The following NTM variants were observed in gnomAD, a reference collection of about 807,000 sequenced individuals.
NTM encodes neurotrimin.
NTM carries 13 observed loss-of-function variants against 42.1 expected under a neutral mutation model. The observed-to-expected ratio is 0.31, with a 90% CI of 0.20 to 0.49. The LOEUF is 0.49. NTM is among the 20% of genes least tolerant of loss of function. NTM has a pLI of 0.99. For synonymous variants in NTM, 187 were observed against 179.2 expected (o/e 1.04, Z -0.35); for missense variants, 373 against 452.8 (o/e 0.82, Z 1.60).
intron 2 of NTM, among the ~76,000 whole-genome samples, chr11:132,108,690 T>TA (rs2062744720): frequency 6.6e-6 from 1 of 151,974 alleles, no homozygotes; most frequent in Non-Finnish European, 1.5e-5. Flanking sequence ...ATAAAAAATT[T>TA]AAAAAAAATT....
intron 1 of NTM, among the ~76,000 whole-genome samples, chr11:131,755,284 G>C (rs2083176139): frequency 6.6e-6 from 1 of 152,116 alleles, no homozygotes; most frequent in Non-Finnish European, 1.5e-5. Context: ...ATATATGAAA[G>C]GTACAATGTT....
intron 1 of NTM, among the ~76,000 whole-genome samples, chr11:131,609,691 A>G (rs1266592608): frequency 6.6e-6 from 1 of 152,164 alleles, no homozygotes; most frequent in African/African-American, 2.4e-5. Context: ...CCCTTAATAG[A>G]TTCTTATTTG....
At chr11:131,430,067 A>G (rs756661414) in intron 1 of NTM, among the ~76,000 whole-genome samples, 16 of 152,118 alleles carry the variant, frequency 1.1e-4, no homozygotes, top group Non-Finnish European at 2.4e-4. Context: ...TTAAATACCT[A>G]TTTGTGGAGT....
chr11:131,524,126 CAGTT>C (rs1225357420), intron 1 of NTM, among the ~76,000 whole-genome samples: 1 of 152,200 alleles, frequency 6.6e-6, no homozygotes, highest in African/African-American at 2.4e-5. Flanking sequence ...CATGTGGTCT[CAGTT>C]AGGCCTAGCA....
At chr11:132,270,893 T>C (rs2093445366) in intron 4 of NTM, among the ~76,000 whole-genome samples, 1 of 152,224 alleles carries the variant, frequency 6.6e-6, no homozygotes, top group African/African-American at 2.4e-5. Context: ...TTGTTAGCAT[T>C]GTTGAGATAT....
At chr11:132,200,446 G>T (rs2080980987) in intron 3 of NTM, among the ~76,000 whole-genome samples, 1 of 152,200 alleles carries the variant, frequency 6.6e-6, no homozygotes, top group Admixed American at 6.5e-5. Flanking sequence ...GAGAACAAGA[G>T]AAAAATCTCT....
intron 2 of NTM, among the ~76,000 whole-genome samples, chr11:131,932,820 G>C (rs1334257409): frequency 1.3e-5 from 2 of 152,192 alleles, no homozygotes; most frequent in Non-Finnish European, 2.9e-5. Flanking sequence ...GCCGATCCTT[G>C]GGGCATCTTT....
chr11:132,226,266 A>G (rs1592348876), intron 4 of NTM, among the ~76,000 whole-genome samples: 1 of 152,340 alleles, frequency 6.6e-6, no homozygotes, highest in East Asian at 1.9e-4. Flanking sequence ...TTCTGGTTCT[A>G]GATCCTTTAG....
chr11:131,497,365 T>C (rs1204168479), intron 1 of NTM, among the ~76,000 whole-genome samples: 2 of 97,814 alleles, frequency 2.0e-5, no homozygotes, highest in Non-Finnish European at 4.3e-5. Flanking sequence ...ACTTTTGTAT[T>C]TTTAGTAGAG....
At position 131,948,313 on chromosome 11, in the gene NTM, C is replaced by T. The variant is rs148049568; in HGVS notation, c.167+36665C>T. ...CTGGGAGGCGGAGCTTGCAGTGAGC[C>T]GAGATCACGCCACTGCACTCCAGCC... On this transcript the variant is annotated intron_variant, in intron 2 of 8. Transcript: ENST00000683400. 2.7e-3 allele frequency among the ~76,000 whole-genome samples: 409 copies of T among 150,940 alleles called. 5 individuals are homozygous for T. The highest frequency in any genetic ancestry group is 9.5e-3 in the African/African-American group (388 of 40,958).
intron 1 of NTM, among the ~76,000 whole-genome samples, chr11:131,493,482 G>T (rs1955013951): frequency 6.6e-6 from 1 of 152,052 alleles, no homozygotes; most frequent in Non-Finnish European, 1.5e-5. Flanking sequence ...ATTCATAAAG[G>T]GGAAAATTCT....
intron 1 of NTM, among the ~76,000 whole-genome samples, chr11:131,452,115 G>A (rs1394038913): frequency 6.6e-6 from 1 of 152,226 alleles, no homozygotes; most frequent in Non-Finnish European, 1.5e-5. Context: ...TCGAAAAGAA[G>A]TGGGGGGAGG....
At chr11:131,888,098 C>T (rs143743024) in intron 1 of NTM, among the ~76,000 whole-genome samples, 2,991 of 152,164 alleles carry the variant, frequency 0.02, 39 homozygotes, top group Non-Finnish European at 0.028. Flanking sequence ...ATTAGGACTT[C>T]GAGACCAGCC....
chr11:132,169,041 C>T (rs1259814122), intron 3 of NTM, among the ~76,000 whole-genome samples: 3 of 144,016 alleles, frequency 2.1e-5, no homozygotes, highest in Non-Finnish European at 4.6e-5. Flanking sequence ...AACTCATTAT[C>T]CATCCACCCC....
At chr11:131,648,648 G>C (rs1240497091) in intron 1 of NTM, among the ~76,000 whole-genome samples, 1 of 152,156 alleles carries the variant, frequency 6.6e-6, no homozygotes, top group Non-Finnish European at 1.5e-5. Context: ...TACAGCTTCA[G>C]ACCTAGTTTC....
intron 2 of NTM, among the ~76,000 whole-genome samples, chr11:131,944,396 G>A (rs750199248): frequency 2.0e-5 from 3 of 152,206 alleles, no homozygotes; most frequent in Non-Finnish European, 4.4e-5. Context: ...AGGGGGCTCA[G>A]GCAGGTCACT....
chr11:131,986,727 A>G (rs935897091), intron 2 of NTM, among the ~76,000 whole-genome samples: 1 of 152,178 alleles, frequency 6.6e-6, no homozygotes, highest in South Asian at 2.1e-4. Context: ...AACCTCCATG[A>G]GGGCCAGAGA....
intron 1 of NTM, among the ~76,000 whole-genome samples, chr11:131,573,763 G>A (rs1325275852): frequency 2.6e-5 from 4 of 152,120 alleles, no homozygotes; most frequent in African/African-American, 9.7e-5. Context: ...TGGAAAGATC[G>A]GGCCCTTTCT....
At chr11:132,079,804 A>G (rs1320099258) in intron 2 of NTM, among the ~76,000 whole-genome samples, 1 of 152,188 alleles carries the variant, frequency 6.6e-6, no homozygotes. Context: ...TACTATTAAT[A>G]TGATTGCATA....
Sources: gnomAD v4.1 joint callset for allele counts (sites outside exome capture counted in the v4.1 genomes callset) on GRCh38, gnomAD v4.1.1 for gene constraint, MANE v1.5 for transcripts, NCBI Gene and HGNC (gene_info 2026-07-23, HGNC 2026-07-21) for gene names.